CACNG6: variants seen among roughly 807,000 people sequenced by gnomAD.
CACNG6 encodes voltage-dependent calcium channel gamma-6 subunit.
Under a neutral mutation model 23.9 loss-of-function variants are expected in CACNG6, and 21 were observed. The observed-to-expected ratio is 0.88, with a 90% confidence interval of 0.62 to 1.26. The LOEUF is 1.26. CACNG6 is among the 50% of genes most tolerant of loss of function. CACNG6 has a pLI of 0.00. For missense variants in CACNG6, 340 were observed against 352.9 expected (o/e 0.96, Z 0.29); for synonymous variants, 182 against 168.9 (o/e 1.08, Z -0.60).
chr19:54,008,538 G>A (rs1255904231), intron 3 of CACNG6, among the ~76,000 whole-genome samples: 3 of 151,974 alleles, frequency 2.0e-5, no homozygotes, highest in East Asian at 3.9e-4. Flanking sequence ...GCCCCTGCCC[G>A]CCCCTGCAGT....
rs2291068 is a variant in CACNG6, at chr19:54,012,307, A to G, written c.*118A>G. ...CTGTGTTCTCCCTGCTCGGGGGCCC[A>G]TGTTTTTTTACACGCCTGCCTCCTG... is the stretch of plus-strand genomic sequence containing the variant. On this transcript the variant is annotated 3_prime_UTR_variant, in exon 4 of 4. Transcript: ENST00000252729. 32,302 of 492,142 alleles carry G rather than the reference A, an allele frequency of 0.066. 2,117 individuals are homozygous for G. Among genetic ancestry groups the G allele is most frequent in the African/African-American group, 0.22 (10,998 of 50,702 alleles). The allele number at this position is 492,142 out of a possible 1,614,324, so 30.5% of individuals were successfully genotyped here.
intron 3 of CACNG6, among the ~76,000 whole-genome samples, chr19:54,004,900 A>AAAATAAATAAATAAATAAAT (rs57494617): frequency 7.7e-4 from 117 of 151,596 alleles, no homozygotes; most frequent in African/African-American, 2.7e-3. Context: ...GAAAATGTTA[A>AAAATAAATAAATAAATAAAT]AAATAAATAA....
At chr19:53,993,519 A>G (rs2069488709) in intron 1 of CACNG6, among the ~76,000 whole-genome samples, 4 of 129,892 alleles carry the variant, frequency 3.1e-5, no homozygotes, top group South Asian at 2.4e-4. Flanking sequence ...CTGTGCCCCC[A>G]GGCCATCCTG....
chr19:54,011,881 G>A (rs1485342394), intron 3 of CACNG6, 70 bp from the exon 4 acceptor site: 7 of 1,150,478 alleles, frequency 6.1e-6, no homozygotes, highest in African/African-American at 3.2e-5. Context: ...GGCTGGGAGC[G>A]GATGGCGGAG....
chr19:53,997,408 G>A (rs2069531177), intron 1 of CACNG6, among the ~76,000 whole-genome samples: 1 of 151,780 alleles, frequency 6.6e-6, no homozygotes, highest in African/African-American at 2.4e-5. Flanking sequence ...GTAAACATCT[G>A]CATATATATT....
intron 3 of CACNG6, among the ~76,000 whole-genome samples, chr19:54,006,960 T>TA (rs2069654898): frequency 6.6e-6 from 1 of 152,066 alleles, no homozygotes; most frequent in Non-Finnish European, 1.5e-5. Flanking sequence ...AAATTTTTTT[T>TA]ATCTCATAAG....
upstream of CACNG6, among the ~76,000 whole-genome samples, chr19:53,991,588 A>AGGGTGGG (rs1235416038): frequency 3.2e-3 from 7 of 2,178 alleles, no homozygotes; most frequent in East Asian, 0.013. Flanking sequence ...TGGAGGGTGG[A>AGGGTGGG]GGGTGGGGGG....
intron 3 of CACNG6, among the ~76,000 whole-genome samples, chr19:54,004,622 G>A (rs1011833056): frequency 1.3e-5 from 2 of 152,064 alleles, no homozygotes; most frequent in Non-Finnish European, 2.9e-5. Context: ...GGCCTCGCGC[G>A]GGCTGACTCC....
At chr19:54,003,882 G>C (rs2069606264) in intron 3 of CACNG6, among the ~76,000 whole-genome samples, 1 of 151,916 alleles carries the variant, frequency 6.6e-6, no homozygotes, top group Non-Finnish European at 1.5e-5. Context: ...TTTTAAGACA[G>C]GGTCTGGCTC....
intron 3 of CACNG6, among the ~76,000 whole-genome samples, chr19:54,006,575 A>G (rs1306183108): frequency 2.4e-5 from 3 of 125,578 alleles, no homozygotes; most frequent in Non-Finnish European, 4.7e-5. Flanking sequence ...TGTCACCCAG[A>G]TTGGAGTGCA....
At chr19:54,005,583 G>A (rs1268023372) in intron 3 of CACNG6, among the ~76,000 whole-genome samples, 4 of 151,476 alleles carry the variant, frequency 2.6e-5, no homozygotes, top group East Asian at 1.9e-4. Flanking sequence ...GTGAAACCCC[G>A]TTTTTACTAA....
At chr19:54,001,261 T>C (rs1340221944) in intron 3 of CACNG6, among the ~76,000 whole-genome samples, 1 of 151,868 alleles carries the variant, frequency 6.6e-6, no homozygotes, top group Non-Finnish European at 1.5e-5. Flanking sequence ...CAATCTCAGC[T>C]CACTGCAACC....
intron 3 of CACNG6, among the ~76,000 whole-genome samples, chr19:54,003,523 G>A (rs2069602166): frequency 6.6e-6 from 1 of 151,916 alleles, no homozygotes; most frequent in Non-Finnish European, 1.5e-5. Context: ...ACCACACCTG[G>A]CTAAGTTTTG....
intron 3 of CACNG6, among the ~76,000 whole-genome samples, chr19:54,005,313 C>T (rs770472328): frequency 1.6e-4 from 24 of 150,738 alleles, no homozygotes; most frequent in Non-Finnish European, 3.4e-4. Flanking sequence ...GCAATCCCAG[C>T]ACTTTGGGAG....
rs2069464176 is a variant in CACNG6, at chr19:53,991,869, G to A, written c.-1009G>A. Among the ~76,000 whole-genome samples the A allele has an allele frequency of 6.6e-6, 1 of 152,160 alleles. No individual in the cohort carries two copies. Among genetic ancestry groups the A allele is most frequent in the Admixed American group, 6.5e-5 (1 of 15,282 alleles). On this transcript the variant is annotated 5_prime_UTR_variant, in exon 1 of 4. Coordinates refer to ENST00000252729, the MANE Select transcript of CACNG6 (RefSeq NM_145814.2). ...CCCGAAGGGGCGCAGCGTCTCTTGC[G>A]GGTCGCGGTTGGCCTTTGAACCCTG... is the stretch of plus-strand genomic sequence containing the variant.
In CACNG6 at chr19:54,004,774, G is replaced by A. The variant is rs910638166; in HGVS notation, c.544+5003G>A. 5.3e-5 allele frequency among the ~76,000 whole-genome samples: 8 copies of A among 152,138 alleles called. No homozygotes were observed. In the East Asian group the frequency reaches 1.4e-3, roughly 26 times the overall value. On this transcript the variant is annotated intron_variant, in intron 3 of 3. Coordinates refer to ENST00000252729, the MANE Select transcript of CACNG6 (RefSeq NM_145814.2). ...CCTCCTCGGCCTGGAGCGTTCTTCC[G>A]CCGGCGCTTCACGTGTCTCGTTTCC...
At chr19:54,007,452 C>G (rs1317624287) in intron 3 of CACNG6, among the ~76,000 whole-genome samples, 1 of 152,206 alleles carries the variant, frequency 6.6e-6, no homozygotes, top group East Asian at 1.9e-4. Context: ...CAACTCAGCC[C>G]TCAACAGTGC....
chr19:54,011,227 T>TACACACACACACAC (rs1555819814), intron 3 of CACNG6, among the ~76,000 whole-genome samples: 3 of 95,294 alleles, frequency 3.1e-5, no homozygotes, highest in African/African-American at 1.7e-4. Flanking sequence ...TATATATATA[T>TACACACACACACAC]ACACACACAC....
intron 1 of CACNG6, among the ~76,000 whole-genome samples, chr19:53,995,246 G>T (rs1279765137): frequency 1.3e-5 from 2 of 152,078 alleles, no homozygotes; most frequent in East Asian, 3.9e-4. Flanking sequence ...ATTGTATGGG[G>T]TTCCTTGCAT....
Sources: gnomAD v4.1 joint callset for allele counts (sites outside exome capture counted in the v4.1 genomes callset) on GRCh38, gnomAD v4.1.1 for gene constraint, MANE v1.5 for transcripts, NCBI Gene and HGNC (gene_info 2026-07-23, HGNC 2026-07-21) for gene names.